HTR2C: variants seen among roughly 807,000 people sequenced by gnomAD.
The protein encoded by HTR2C is 5-hydroxytryptamine receptor 2C.
In HTR2C, 5 loss-of-function variants were observed where a neutral mutation model predicts 21.0. That is an observed-to-expected ratio of 0.24 (90% confidence interval 0.12 to 0.50). HTR2C has a LOEUF of 0.50. Ranked by LOEUF, HTR2C falls within the 20% of genes least tolerant of loss-of-function variation. HTR2C has a pLI of 0.98. For missense variants in HTR2C, 271 were observed against 371.2 expected, an observed-to-expected ratio of 0.73 and a Z score of 2.22; for synonymous variants, 150 against 145.3, an observed-to-expected ratio of 1.03 and a Z score of -0.23.
intron 2 of HTR2C, among the ~76,000 whole-genome samples, chrX:114,630,390 G>A (rs782388135): frequency 3.4e-3 from 380 of 111,893 alleles, no homozygotes; most frequent in African/African-American, 0.012. Flanking sequence ...TTGGTGAGTG[G>A]GGAGATTTTT....
chrX:114,638,606 T>C (rs1929955540), intron 2 of HTR2C, among the ~76,000 whole-genome samples: 1 of 106,103 alleles, frequency 9.4e-6, no homozygotes, highest in Admixed American at 1.0e-4. Context: ...ACATGTGACA[T>C]GCTGGTGCAC....
At chrX:114,829,580 T>G (rs1265614743) in intron 4 of HTR2C, among the ~76,000 whole-genome samples, 12 of 111,677 alleles carry the variant, frequency 1.1e-4, no homozygotes, top group African/African-American at 3.9e-4. Flanking sequence ...TACCCCTGTG[T>G]CCTTTTCTAA....
intron 1 of HTR2C, among the ~76,000 whole-genome samples, chrX:114,600,913 T>C (rs1382846383): frequency 1.8e-5 from 2 of 112,039 alleles, no homozygotes; most frequent in Non-Finnish European, 3.8e-5. Flanking sequence ...AGATCGACAA[T>C]ATATTTTGTA....
intron 4 of HTR2C, among the ~76,000 whole-genome samples, chrX:114,744,776 A>G (rs1318091853): frequency 8.9e-6 from 1 of 112,080 alleles, no homozygotes; most frequent in African/African-American, 3.2e-5. Flanking sequence ...CTTTTACAAA[A>G]GTAATGAAAT....
intron 4 of HTR2C, among the ~76,000 whole-genome samples, chrX:114,737,183 A>G: frequency 9.1e-6 from 1 of 109,575 alleles, no homozygotes; most frequent in East Asian, 2.8e-4. Context: ...AGGACAGTAT[A>G]CCTAATCAAG....
intron 2 of HTR2C, among the ~76,000 whole-genome samples, chrX:114,689,180 G>T (rs1932023139): frequency 1.1e-5 from 1 of 87,728 alleles, no homozygotes; most frequent in Non-Finnish European, 2.2e-5. Context: ...CCTTTTTATG[G>T]CTGAGTAGTA....
intron 1 of HTR2C, among the ~76,000 whole-genome samples, chrX:114,609,506 CTT>C (rs1255969998): frequency 1.8e-5 from 2 of 111,379 alleles, no homozygotes; most frequent in East Asian, 5.7e-4. Flanking sequence ...TGTAATTACT[CTT>C]TTGGTTGACC....
At chrX:114,875,398 A>G (rs1355007846) in intron 5 of HTR2C, among the ~76,000 whole-genome samples, 1 of 111,505 alleles carries the variant, frequency 9.0e-6, no homozygotes, top group African/African-American at 3.3e-5. Context: ...ACTGCACAGA[A>G]ACTTCTGTTT....
At chrX:114,752,868 C>T (rs781840387) in intron 4 of HTR2C, among the ~76,000 whole-genome samples, 33 of 110,272 alleles carry the variant, frequency 3.0e-4, no homozygotes, top group Non-Finnish European at 5.3e-4. Context: ...GCAATTAGAT[C>T]TTCTAGGCTC....
chrX:114,806,396 T>C (rs782136811), intron 4 of HTR2C, among the ~76,000 whole-genome samples: 45,859 of 74,448 alleles, frequency 0.62, 16,930 homozygotes, highest in East Asian at 0.82. Flanking sequence ...ATATATACTG[T>C]ATATATATAC....
chrX:114,658,067 TTG>T (rs1491070302), intron 2 of HTR2C, among the ~76,000 whole-genome samples: 41 of 111,207 alleles, frequency 3.7e-4, no homozygotes, highest in African/African-American at 1.3e-3. Context: ...CAATTTTTTT[TTG>T]TTTGTTTGTT....
At chrX:114,891,306 T>G (rs1424088134) in intron 5 of HTR2C, among the ~76,000 whole-genome samples, 6 of 111,295 alleles carry the variant, frequency 5.4e-5, no homozygotes, top group Non-Finnish European at 1.1e-4. Flanking sequence ...AATTCCCCTT[T>G]TACAGTTTAT....
intron 2 of HTR2C, among the ~76,000 whole-genome samples, chrX:114,663,028 A>G (rs1931046519): frequency 9.0e-6 from 1 of 111,639 alleles, no homozygotes; most frequent in African/African-American, 3.3e-5. Flanking sequence ...GTATTTTTAT[A>G]AGTAACGTGC....
intron 3 of HTR2C, 95 bp from the exon 4 acceptor site, chrX:114,731,199 T>C (rs943250843): frequency 1.2e-5 from 6 of 519,810 alleles, no homozygotes; most frequent in Non-Finnish European, 2.0e-5. Context: ...ATGATGACAA[T>C]GATCCATGAA....
intron 5 of HTR2C, among the ~76,000 whole-genome samples, chrX:114,851,720 T>C (rs1249438656): frequency 9.0e-6 from 1 of 111,276 alleles, no homozygotes; most frequent in Non-Finnish European, 1.9e-5. Context: ...CCTTTTCATA[T>C]ATCCCATCAG....
intron 2 of HTR2C, among the ~76,000 whole-genome samples, chrX:114,705,580 G>C (rs1290967791): frequency 3.7e-5 from 4 of 107,123 alleles, no homozygotes; most frequent in African/African-American, 1.4e-4. Context: ...AAGACTTAAA[G>C]GTTAGACCTA....
intron 5 of HTR2C, among the ~76,000 whole-genome samples, chrX:114,863,637 G>A (rs1413968771): frequency 9.0e-6 from 1 of 111,358 alleles, no homozygotes; most frequent in Non-Finnish European, 1.9e-5. Context: ...TTCTGTGTAT[G>A]TTTGTTAGAT....
At position 114,906,797 on chromosome X, in the gene HTR2C, C is replaced by T. The variant is rs781854947; in HGVS notation, c.759C>T (p.Thr253=). The change falls in exon 6 of 6, where the codon ACC becomes ACT. Residue 253 remains threonine, a synonymous_variant. Coordinates refer to ENST00000276198, the MANE Select transcript of HTR2C (RefSeq NM_000868.4). ...RQALMLLHGH[T]EEPPGLSLDF... The stretch of plus-strand genomic sequence containing the variant: ...CTTTGATGTTACTGCACGGCCACAC[C>T]GAGGAACCGCCTGGACTAAGTCTGG... 9.9e-6 allele frequency: 12 copies of T among 1,208,611 alleles called. No homozygotes were observed. The highest frequency in any genetic ancestry group is 1.2e-5 in the Non-Finnish European group (11 of 894,825).
chrX:114,730,495 A>C (rs1287237260), intron 3 of HTR2C, among the ~76,000 whole-genome samples: 2 of 112,199 alleles, frequency 1.8e-5, no homozygotes, highest in African/African-American at 6.5e-5. Context: ...TGGCAGGTAG[A>C]AGGAAAGTTT....
Sources: allele counts gnomAD v4.1 joint callset (sites outside exome capture counted in the v4.1 genomes callset), GRCh38; gene constraint gnomAD v4.1.1; transcripts MANE v1.5; gene names NCBI Gene and HGNC (gene_info 2026-07-23, HGNC 2026-07-21).